Variants in RNPS1 observed in about 807,000 individuals in gnomAD.
RNPS1 encodes RNA binding protein with serine rich domain 1, also known as RNA-binding protein with serine-rich domain 1.
For synonymous variants in RNPS1, 147 were observed against 150.0 expected (o/e 0.98, Z 0.15); for missense variants, 300 against 427.6 (o/e 0.70, Z 2.63).
rs1294452240 is a variant in RNPS1 at position 2,253,573 on chromosome 16, G to T, written c.*391C>A. On this transcript the variant is annotated 3_prime_UTR_variant, in exon 8 of 8. Coordinates refer to ENST00000320225, the MANE Select transcript of RNPS1 (RefSeq NM_080594.4). ...GCCTGGGGCAGCTCCCTTTCCAAAA[G>T]GACACTGCCCAGCAACAGCAAGGGC... 5.0e-5 allele frequency: 17 copies of T among 339,604 alleles called. No individual in the cohort carries two copies. Among genetic ancestry groups the T allele is most frequent in the Non-Finnish European group, 8.9e-5 (16 of 178,842 alleles). 21.0% of individuals were successfully genotyped at this position (339,604 alleles called of 1,614,324 possible).
intron 6 of RNPS1, 41 bp downstream of exon 6, chr16:2,262,237 G>C (rs544800515): frequency 1.3e-6 from 2 of 1,583,174 alleles, no homozygotes; most frequent in Non-Finnish European, 1.7e-6. Flanking sequence ...TCGCGGCGGC[G>C]GGTCTCTGAG....
chr16:2,267,679 C>A (rs1413698496), intron 1 of RNPS1: 2 of 1,157,374 alleles, frequency 1.7e-6, no homozygotes, highest in African/African-American at 3.3e-5. Context: ...CCCGTCCAGG[C>A]GCCGGGCCGC....
At chr16:2,266,711 T>C in intron 1 of RNPS1, 1 of 985,420 alleles carries the variant, frequency 1.0e-6, no homozygotes, top group African/African-American at 1.7e-5. Flanking sequence ...AGCAGCACTG[T>C]CCAATAGAAA....
In RNPS1 at chr16:2,262,555, G is replaced by A; in HGVS notation, c.523-124C>T. ...AACATTCCATCTGATGAGTACCAGT[G>A]TTGTTCTGGGATAAATCTCCCAGAC... On this transcript the variant is annotated intron_variant, in intron 5 of 7. Transcript: ENST00000320225. 3 of 1,092,222 alleles carry A rather than the reference G, an allele frequency of 2.7e-6. No homozygotes were observed. In the South Asian group the frequency reaches 4.2e-5, roughly 15 times the overall value. The allele number at this position is 1,092,222 out of a possible 1,614,324, so 67.7% of individuals were successfully genotyped here. A position where few individuals can be genotyped will look rare whatever the true frequency, so the allele number is the denominator to read the frequency against.
At chr16:2,256,992 G>T (rs1394474188) in intron 6 of RNPS1, 1 of 152,184 alleles carries the variant, frequency 6.6e-6, no homozygotes, top group African/African-American at 2.4e-5. Context: ...GCTGCGGTGG[G>T]AAGCTGCATG....
At position 2,268,045 on chromosome 16, in the gene RNPS1, C is replaced by G. The variant is rs1363218989; in HGVS notation, c.-118+10G>C. On this transcript the variant is annotated intron_variant, in intron 1 of 7. Transcript: ENST00000320225. ...AAACACGGATGCAGTCGGATTCCGC[C>G]CCAACTTACATCTTCCCGCCGCCGC... 6.5e-7 allele frequency: 1 copy of G among 1,534,464 alleles called. No individual in the cohort carries two copies. Among genetic ancestry groups the G allele is most frequent in the Non-Finnish European group, 8.7e-7 (1 of 1,146,666 alleles).
chr16:2,262,134 G>C, intron 6 of RNPS1, 144 bp downstream of exon 6: 2 of 768,620 alleles, frequency 2.6e-6, no homozygotes, highest in South Asian at 2.0e-5. Flanking sequence ...TTTGGTCCAG[G>C]AACTGCACCC....
intron 2 of RNPS1, 33 bp from the exon 3 acceptor site, chr16:2,264,364 C>T: frequency 6.2e-7 from 1 of 1,613,594 alleles, no homozygotes; most frequent in Non-Finnish European, 8.5e-7. Context: ...AGATTGCGTG[C>T]TCCTCTGACC....
chr16:2,267,438 C>A (rs2093629319), intron 1 of RNPS1: 2 of 972,054 alleles, frequency 2.1e-6, no homozygotes, highest in Middle Eastern at 5.3e-4. Context: ...ACCCATCAAA[C>A]TGAGCTCGGC....
intron 6 of RNPS1, among the ~76,000 whole-genome samples, chr16:2,260,686 G>T (rs1461630912): frequency 6.6e-6 from 1 of 152,122 alleles, no homozygotes; most frequent in Non-Finnish European, 1.5e-5. Context: ...GTTTAAAAAG[G>T]TATTATCTCA....
chr16:2,260,794 A>G (rs963118187), intron 6 of RNPS1, among the ~76,000 whole-genome samples: 42 of 152,254 alleles, frequency 2.8e-4, no homozygotes, highest in African/African-American at 9.4e-4. Flanking sequence ...CTTTTAATAA[A>G]TACCAGTCCT....
chr16:2,261,007 G>A (rs1342943864), intron 6 of RNPS1, among the ~76,000 whole-genome samples: 2 of 152,200 alleles, frequency 1.3e-5, no homozygotes, highest in South Asian at 2.1e-4. Flanking sequence ...GTGGGCGCCT[G>A]TAGTCCCAGC....
chr16:2,258,010 G>A (rs926454029), intron 6 of RNPS1: 5 of 152,202 alleles, frequency 3.3e-5, no homozygotes, highest in African/African-American at 7.2e-5. Flanking sequence ...ATGCTGCACT[G>A]AGGACAAAAT....
intron 1 of RNPS1, chr16:2,265,779 G>C (rs535558984): frequency 6.6e-6 from 1 of 152,208 alleles, no homozygotes; most frequent in African/African-American, 2.4e-5. Flanking sequence ...CACCAGACCC[G>C]GCCCTTAAGT....
intron 6 of RNPS1, among the ~76,000 whole-genome samples, chr16:2,261,733 G>C (rs1309458651): frequency 1.3e-5 from 2 of 152,204 alleles, no homozygotes; most frequent in Middle Eastern, 3.4e-3. Flanking sequence ...AATACGTCAG[G>C]ACCCATTTAG....
At chr16:2,256,125 CA>C (rs879588180) in intron 6 of RNPS1, 1,558 of 162,172 alleles carry the variant, frequency 9.6e-3, no homozygotes, top group South Asian at 0.033. Flanking sequence ...AACTCCGTCT[CA>C]AAAAAAAAAA....
chr16:2,254,067 C>T lies in RNPS1; in HGVS notation c.819-4G>A, dbSNP rs763026305. 50 of 1,472,018 alleles carry T rather than the reference C, an allele frequency of 3.4e-5. No individual in the cohort carries two copies. Among genetic ancestry groups the T allele is most frequent in the African/African-American group, 7.1e-5 (5 of 70,206 alleles). 91.2% of individuals were successfully genotyped at this position (1,472,018 alleles called of 1,614,324 possible). ...CCTGCGCCTCGGGGAGCGGGACCTGCGGGAAGAGGAGAAACCACATCAGAG... is the reference window on the plus strand; with the variant it reads ...CCTGCGCCTCGGGGAGCGGGACCTGTGGGAAGAGGAGAAACCACATCAGAG... On this transcript the variant is annotated splice_region_variant and splice_polypyrimidine_tract_variant and intron_variant, in intron 7 of 7. Coordinates refer to ENST00000320225, the MANE Select transcript of RNPS1 (RefSeq NM_080594.4).
intron 3 of RNPS1, 87 bp from the exon 4 acceptor site, chr16:2,263,374 G>C: frequency 7.3e-7 from 1 of 1,372,024 alleles, no homozygotes; most frequent in Non-Finnish European, 1.0e-6. Context: ...CTCCCCCCAG[G>C]AGAAACCTGC....
At chr16:2,258,547 A>C (rs1294235770) in intron 6 of RNPS1, 2 of 152,106 alleles carry the variant, frequency 1.3e-5, no homozygotes, top group African/African-American at 4.8e-5. Flanking sequence ...CAACATGGTG[A>C]AACCCCATCT....
Sources: allele counts gnomAD v4.1 joint callset (sites outside exome capture counted in the v4.1 genomes callset), GRCh38; gene constraint gnomAD v4.1.1; transcripts MANE v1.5; gene names NCBI Gene and HGNC (gene_info 2026-07-23, HGNC 2026-07-21).